The following RUNX1T1 variants were observed in gnomAD, a reference collection of about 807,000 sequenced individuals.
RUNX1T1 encodes protein CBFA2T1.
In RUNX1T1, 4 loss-of-function variants were observed where a neutral mutation model predicts 62.8. That is an observed-to-expected ratio of 0.06 (90% confidence interval 0.03 to 0.15). The LOEUF (loss-of-function observed/expected upper bound fraction) is 0.15. Ranked by LOEUF, RUNX1T1 falls within the 10% of genes least tolerant of loss-of-function variation. The probability of loss-of-function intolerance (pLI) is 1.00; values close to 1 mark genes in which losing one functional copy is unlikely to be tolerated. For missense variants in RUNX1T1, 508 were observed against 754.3 expected, an observed-to-expected ratio of 0.67 and a Z score of 3.82; for synonymous variants, 291 against 286.0, an observed-to-expected ratio of 1.02 and a Z score of -0.18.
intron 5 of RUNX1T1, among the ~76,000 whole-genome samples, chr8:92,002,172 A>G (rs1819884942): frequency 6.6e-6 from 1 of 152,218 alleles, no homozygotes; most frequent in Admixed American, 6.5e-5. Flanking sequence ...CTAATATTTT[A>G]GGAAAGAAAT....
intron 10 of RUNX1T1, among the ~76,000 whole-genome samples, chr8:91,964,679 T>TA (rs1811205248): frequency 6.6e-6 from 1 of 152,190 alleles, no homozygotes; most frequent in African/African-American, 2.4e-5. Flanking sequence ...GATTACAAAT[T>TA]AAAAATATTC....
At chr8:92,086,936 C>T (rs368543729) in intron 1 of RUNX1T1, among the ~76,000 whole-genome samples, 1 of 152,172 alleles carries the variant, frequency 6.6e-6, no homozygotes, top group African/African-American at 2.4e-5. Context: ...GTCCATCTGG[C>T]CCCTCACATT....
intron 9 of RUNX1T1, among the ~76,000 whole-genome samples, chr8:91,972,945 T>TTGTGTGTGTG (rs1403982260): frequency 2.0e-5 from 3 of 152,068 alleles, no homozygotes; most frequent in Non-Finnish European, 4.4e-5. Flanking sequence ...TTGAGTGCAT[T>TTGTGTGTGTG]TGTTACTTTC....
At chr8:92,073,372 T>A (rs1833962185) in intron 2 of RUNX1T1, among the ~76,000 whole-genome samples, 1 of 152,032 alleles carries the variant, frequency 6.6e-6, no homozygotes, top group South Asian at 2.1e-4. Flanking sequence ...CCCACCCTCC[T>A]GCCCCCCAGC....
intron 1 of RUNX1T1, among the ~76,000 whole-genome samples, chr8:92,059,894 TGGTCTGACCTAATACTAGC>T (rs1831631294): frequency 6.6e-6 from 1 of 152,098 alleles, no homozygotes; most frequent in Admixed American, 6.5e-5. Context: ...TGAGAAAGGG[TGGTCTGACCTAATACTAGC>T]CATCTTCTAA....
chr8:92,032,467 G>C (rs1209881195), intron 1 of RUNX1T1, among the ~76,000 whole-genome samples: 1 of 152,112 alleles, frequency 6.6e-6, no homozygotes, highest in Non-Finnish European at 1.5e-5. Context: ...CAATAACCAT[G>C]ATGAGCCAAG....
chr8:91,960,522 A>C lies in RUNX1T1; in HGVS notation c.1459-5T>G. The C allele has an allele frequency of 6.2e-7, 1 of 1,613,432 alleles. No homozygotes were observed. Among genetic ancestry groups the C allele is most frequent in the Non-Finnish European group, 8.5e-7 (1 of 1,179,606 alleles). On this transcript the variant is annotated splice_region_variant and splice_polypyrimidine_tract_variant and intron_variant, in intron 10 of 10. Coordinates refer to ENST00000396218, the Ensembl canonical transcript of RUNX1T1. ...ACGGCCACAATTCCAGCAACTCTAAAGGAGAAGGCAGAAGAAAGCAAGATC... is the reference window on the plus strand; with the variant it reads ...ACGGCCACAATTCCAGCAACTCTAACGGAGAAGGCAGAAGAAAGCAAGATC...
intron 1 of RUNX1T1, among the ~76,000 whole-genome samples, chr8:92,081,729 C>T (rs908848673): frequency 1.3e-5 from 2 of 152,032 alleles, no homozygotes; most frequent in African/African-American, 2.4e-5. Context: ...GATGGTCACA[C>T]ATCTCAAGAG....
chr8:92,095,359 G>T, intron 1 of RUNX1T1: 1 of 1,535,144 alleles, frequency 6.5e-7, no homozygotes, highest in South Asian at 1.2e-5. Flanking sequence ...TCTGGCAAAG[G>T]AGCGCGGGAG....
At chr8:92,091,832 C>T (rs147121820) in intron 1 of RUNX1T1, among the ~76,000 whole-genome samples, 3 of 152,306 alleles carry the variant, frequency 2.0e-5, no homozygotes, top group Non-Finnish European at 4.4e-5. Flanking sequence ...CAAATACTCA[C>T]ATTCAACATT....
At chr8:92,087,410 T>C (rs1836298128) in intron 1 of RUNX1T1, among the ~76,000 whole-genome samples, 1 of 152,026 alleles carries the variant, frequency 6.6e-6, no homozygotes. Flanking sequence ...CTTTTCCACA[T>C]CTAGGCTTCT....
chr8:92,047,786 C>A (rs1829637887), intron 1 of RUNX1T1, among the ~76,000 whole-genome samples: 1 of 151,530 alleles, frequency 6.6e-6, no homozygotes, highest in African/African-American at 2.4e-5. Flanking sequence ...GAAGAAAAGA[C>A]AAGAGTCCTT....
chr8:92,061,184 T>C (rs984297940), intron 1 of RUNX1T1, among the ~76,000 whole-genome samples: 3 of 152,170 alleles, frequency 2.0e-5, no homozygotes, highest in Admixed American at 6.5e-5. Context: ...GGGTTTTGTT[T>C]TACAAAATTA....
At chr8:92,071,314 C>T (rs2130729048) in intron 2 of RUNX1T1, 2 of 152,286 alleles carry the variant, frequency 1.3e-5, no homozygotes, top group South Asian at 4.1e-4. Flanking sequence ...ACTAGCTCCA[C>T]ACCAGACTAC....
exon 8 of RUNX1T1, chr8:91,986,180 C>T (rs777917271): frequency 1.9e-6 from 3 of 1,614,192 alleles, no homozygotes; most frequent in Non-Finnish European, 2.5e-6. Context: ...GCTGCTGCTA[C>T]TGCCGCCACC....
intron 7 of RUNX1T1, 67 bp downstream of exon 8, chr8:91,986,820 A>G: frequency 9.8e-7 from 1 of 1,024,718 alleles, no homozygotes; most frequent in South Asian, 1.3e-5. Flanking sequence ...CTTTTATTTT[A>G]TCACATAACC....
chr8:92,064,960 T>G (rs995647741), upstream of RUNX1T1, among the ~76,000 whole-genome samples: 2 of 152,180 alleles, frequency 1.3e-5, no homozygotes, highest in Admixed American at 6.5e-5. Context: ...TCCCTGGAGA[T>G]TCTCACCTAG....
chr8:92,020,531 T>C (rs1285806505), intron 1 of RUNX1T1, among the ~76,000 whole-genome samples: 1 of 152,034 alleles, frequency 6.6e-6, no homozygotes, highest in Non-Finnish European at 1.5e-5. Context: ...CACAAAATGA[T>C]TAAAAGTCAA....
upstream of RUNX1T1, among the ~76,000 whole-genome samples, chr8:92,066,295 C>T (rs191490822): frequency 3.5e-4 from 53 of 152,300 alleles, no homozygotes; most frequent in Middle Eastern, 6.8e-3. Context: ...TCACTCATGT[C>T]CAGATTTCTC....
Sources: gnomAD v4.1 joint callset for allele counts (sites outside exome capture counted in the v4.1 genomes callset) on GRCh38, gnomAD v4.1.1 for gene constraint, MANE v1.5 for transcripts, NCBI Gene and HGNC (gene_info 2026-07-23, HGNC 2026-07-21) for gene names.